Variants in NBEA observed in about 807,000 individuals in gnomAD.
NBEA encodes the protein lysosomal-trafficking regulator 2.
In NBEA, 44 loss-of-function variants were observed where a neutral mutation model predicts 343.4. That is an observed-to-expected ratio of 0.13 (90% confidence interval 0.10 to 0.16). The LOEUF is 0.16. Ranked by LOEUF, NBEA falls within the 10% of genes least tolerant of loss-of-function variation. NBEA has a pLI of 1.00. For missense variants in NBEA, 2,555 were observed against 3,631.3 expected (o/e 0.70, Z 7.62); for synonymous variants, 1,175 against 1,238.7 (o/e 0.95, Z 1.08).
chr13:35,455,912 T>C (rs2046559081), intron 40 of NBEA, among the ~76,000 whole-genome samples: 1 of 152,072 alleles, frequency 6.6e-6, no homozygotes, highest in African/African-American at 2.4e-5. Flanking sequence ...AATGTGTGTA[T>C]GTGAGTGTGT....
intron 36 of NBEA, among the ~76,000 whole-genome samples, chr13:35,313,056 G>C (rs575553564): frequency 6.6e-6 from 1 of 152,160 alleles, no homozygotes; most frequent in Non-Finnish European, 1.5e-5. Context: ...TGCTCAGAGA[G>C]AGTGAATAGA....
At chr13:35,555,226 C>A in intron 44 of NBEA, 124 bp downstream of exon 44, 1 of 522,438 alleles carries the variant, frequency 1.9e-6, no homozygotes, top group Non-Finnish European at 3.3e-6. Context: ...AATTTTGAAG[C>A]ACTCACATTA....
At chr13:35,162,786 T>G (rs986706853) in intron 23 of NBEA, among the ~76,000 whole-genome samples, 2 of 152,130 alleles carry the variant, frequency 1.3e-5, no homozygotes, top group African/African-American at 4.8e-5. Flanking sequence ...GTTAGGCTAG[T>G]CTTTCCTATA....
intron 33 of NBEA, among the ~76,000 whole-genome samples, chr13:35,229,179 C>T (rs1342689865): frequency 4.6e-5 from 7 of 151,852 alleles, no homozygotes; most frequent in East Asian, 3.9e-4. Context: ...CACAGGCACC[C>T]GCCACCACAC....
chr13:34,947,534 G>A (rs1357433610), intron 1 of NBEA, among the ~76,000 whole-genome samples: 1 of 151,770 alleles, frequency 6.6e-6, no homozygotes, highest in Non-Finnish European at 1.5e-5. Context: ...TTATGCATTA[G>A]TTCCAGGTTT....
At chr13:35,131,186 TATAAA>T (rs2067405432) in intron 17 of NBEA, among the ~76,000 whole-genome samples, 1 of 152,126 alleles carries the variant, frequency 6.6e-6, no homozygotes, top group African/African-American at 2.4e-5. Context: ...ATTATTCACT[TATAAA>T]ATACTTTTCC....
intron 44 of NBEA, among the ~76,000 whole-genome samples, chr13:35,560,403 G>T (rs978207559): frequency 6.6e-6 from 1 of 152,166 alleles, no homozygotes; most frequent in Admixed American, 6.5e-5. Flanking sequence ...TTACTGTCAT[G>T]ACTTTTGTAG....
chr13:35,044,392 A>T (rs2062767763), intron 2 of NBEA, among the ~76,000 whole-genome samples: 1 of 152,114 alleles, frequency 6.6e-6, no homozygotes, highest in South Asian at 2.1e-4. Flanking sequence ...GTATCTGTAA[A>T]CCACTTGGAA....
At chr13:35,233,496 G>A (rs1023129000) in intron 34 of NBEA, among the ~76,000 whole-genome samples, 1 of 152,122 alleles carries the variant, frequency 6.6e-6, no homozygotes, top group African/African-American at 2.4e-5. Context: ...TGTGGCCTTT[G>A]TGAATTACTT....
intron 2 of NBEA, among the ~76,000 whole-genome samples, chr13:35,043,123 A>G (rs1387924995): frequency 1.3e-5 from 2 of 151,870 alleles, no homozygotes; most frequent in East Asian, 3.8e-4. Context: ...TACAATATAT[A>G]AGTAATTCGT....
chr13:35,266,047 A>G (rs920217397), intron 34 of NBEA, among the ~76,000 whole-genome samples: 10 of 151,992 alleles, frequency 6.6e-5, no homozygotes, highest in Non-Finnish European at 1.0e-4. Context: ...AACTGAGTAG[A>G]TATTTCTCAA....
At position 35,283,220 on chromosome 13, in the gene NBEA, A is replaced by T. The variant is rs1366152349; in HGVS notation, c.5777-7169A>T. On this transcript the variant is annotated intron_variant, in intron 34 of 58. Coordinates refer to ENST00000379939, the MANE Select transcript of NBEA (RefSeq NM_001385012.1). ...TTCTCAGCAGAAGCAAAACTATAAA[A>T]AAGAAAAAATATTCACAGTAAGATT... 2.6e-5 allele frequency among the ~76,000 whole-genome samples: 4 copies of T among 152,174 alleles called. No individual in the cohort carries two copies. The East Asian group carries it at 7.7e-4, about 29-fold the overall frequency.
chr13:35,363,199 C>T (rs1450951979), intron 38 of NBEA, among the ~76,000 whole-genome samples: 2 of 151,948 alleles, frequency 1.3e-5, no homozygotes, highest in East Asian at 1.9e-4. Flanking sequence ...AACACATACA[C>T]ACTCCAGGAT....
intron 1 of NBEA, among the ~76,000 whole-genome samples, chr13:34,991,799 C>T (rs1248076339): frequency 1.3e-5 from 2 of 152,180 alleles, no homozygotes; most frequent in Non-Finnish European, 2.9e-5. Flanking sequence ...CATTTCCCTA[C>T]AGCCTGAAGA....
At position 35,402,464 on chromosome 13, in the gene NBEA, C is replaced by T. The variant is rs190802045; in HGVS notation, c.6180-29805C>T. 1.6e-3 allele frequency among the ~76,000 whole-genome samples: 244 copies of T among 152,024 alleles called. 1 individual carries two copies. Among genetic ancestry groups the T allele is most frequent in the Middle Eastern group, 6.8e-3 (2 of 292 alleles). ...TTCTTGTTCTTTTATTATTATAATA[C>T]TCTTAATGTGGCAAATATAAGTCAG... On this transcript the variant is annotated intron_variant, in intron 38 of 58. Coordinates refer to ENST00000379939, the MANE Select transcript of NBEA (RefSeq NM_001385012.1).
At chr13:35,498,237 T>A (rs2076756811) in intron 41 of NBEA, among the ~76,000 whole-genome samples, 1 of 152,032 alleles carries the variant, frequency 6.6e-6, no homozygotes, top group Non-Finnish European at 1.5e-5. Context: ...GTGTTGAAAA[T>A]CTCTCATTGC....
chr13:35,395,057 A>T (rs1770831183), intron 38 of NBEA, among the ~76,000 whole-genome samples: 1 of 152,130 alleles, frequency 6.6e-6, no homozygotes, highest in South Asian at 2.1e-4. Context: ...TGGAGTGTTC[A>T]TAGAGATCTT....
At chr13:35,274,419 C>A (rs954317066) in intron 34 of NBEA, among the ~76,000 whole-genome samples, 2 of 152,096 alleles carry the variant, frequency 1.3e-5, no homozygotes, top group Admixed American at 6.6e-5. Context: ...ACTGAATGGG[C>A]AAAAACTGGA....
rs144417302 is a variant in NBEA at position 34,942,526 on chromosome 13, G to GGCGGCA, written c.-276_-271dup. On this transcript the variant is annotated 5_prime_UTR_variant, in exon 1 of 59. Coordinates refer to ENST00000379939, the MANE Select transcript of NBEA (RefSeq NM_001385012.1). ...AGAGGGAGAGAGCAGAGGCAGCGGC[G>GGCGGCA]GCGGCAGCGGCAGCGGCAGCGGCAC... The GGCGGCA allele has an allele frequency of 8.2e-4, 168 of 205,442 alleles. 1 individual carries two copies. Among genetic ancestry groups the GGCGGCA allele is most frequent in the Admixed American group, 6.2e-3 (103 of 16,532 alleles). The allele number at this position is 205,442 out of a possible 1,614,324, so 12.7% of individuals were successfully genotyped here.
Sources: gnomAD v4.1 joint callset for allele counts (sites outside exome capture counted in the v4.1 genomes callset) on GRCh38, gnomAD v4.1.1 for gene constraint, MANE v1.5 for transcripts, NCBI Gene and HGNC (gene_info 2026-07-23, HGNC 2026-07-21) for gene names.